Variants in GRID2IP observed in about 807,000 individuals in gnomAD.
GRID2IP encodes delphilin.
In GRID2IP, 78 loss-of-function variants were observed where a neutral mutation model predicts 114.3. The ratio of observed to expected loss-of-function variants is 0.68; its 90% CI spans 0.57 to 0.82. GRID2IP has a LOEUF of 0.82. GRID2IP is among the 40% of genes least tolerant of loss of function. The pLI, the probability that GRID2IP is intolerant of heterozygous loss-of-function variation, is 0.00. For synonymous variants in GRID2IP, 809 were observed against 724.0 expected, an observed-to-expected ratio of 1.12 and a Z score of -1.89; for missense variants, 1,727 against 1,678.5, an observed-to-expected ratio of 1.03 and a Z score of -0.51.
rs1216461194 is a variant in GRID2IP, at chr7:6,509,198, G to A, written c.1887C>T (p.Pro629=). ...LASPSSSESH[P]YASLDSSRAP... ...CCCTGCTGCTGTCCAGGCTGGCGTA[G>A]GGGTGGGACTCAGAGCTGCTGGGGG... The change falls in exon 12 of 22, where the codon CCC becomes CCT. Residue 629 remains proline (P), a synonymous_variant. Coordinates refer to ENST00000457091, the MANE Select transcript of GRID2IP (RefSeq NM_001145118.2). The surrounding 1 kb of genome is among the most constrained non-coding windows in gnomAD (Gnocchi z 4.9). 6.7e-7 allele frequency: 1 copy of A among 1,485,800 alleles called. No homozygotes were observed. Among genetic ancestry groups the A allele is most frequent in the Non-Finnish European group, 9.0e-7 (1 of 1,114,814 alleles). 92.0% of individuals were successfully genotyped at this position (1,485,800 alleles called of 1,614,324 possible).
rs968653651 is a variant in GRID2IP at position 6,523,798 on chromosome 7, A to C, written c.920-1841T>G. Among the ~76,000 whole-genome samples, 28 of 152,124 alleles carry C rather than the reference A, an allele frequency of 1.8e-4. No individual in the cohort carries two copies. The highest frequency in any genetic ancestry group is 6.3e-4 in the African/African-American group (26 of 41,424). ...CTCGGCCTCCCAAAGTGCTGGGATT[A>C]CAAGTGTGAGCCACTGCACCCAGCC... On this transcript the variant is annotated intron_variant, in intron 4 of 21. Coordinates refer to ENST00000457091, the MANE Select transcript of GRID2IP (RefSeq NM_001145118.2). This position sits in a 1 kb window ranked among gnomAD's most constrained non-coding sequence, Gnocchi z 4.5.
intron 1 of GRID2IP, among the ~76,000 whole-genome samples, chr7:6,548,721 A>G (rs1779922930): frequency 6.6e-6 from 1 of 151,940 alleles, no homozygotes; most frequent in Non-Finnish European, 1.5e-5. Flanking sequence ...GTACGCCTGT[A>G]ATCCCAGCTA....
In GRID2IP at chr7:6,532,920, G is replaced by A. The variant is rs1779659961; in HGVS notation, c.585-6151C>T. The stretch of plus-strand genomic sequence containing the variant: ...TCATGCCTGTGGCCAGGTGACCCAG[G>A]GCAGCATGAGGTGGTCACCCAGTCA... On this transcript the variant is annotated intron_variant, in intron 2 of 21. Transcript: ENST00000457091. This position sits in a 1 kb window ranked among gnomAD's most constrained non-coding sequence, Gnocchi z 4.4. 6.6e-6 allele frequency among the ~76,000 whole-genome samples: 1 copy of A among 152,196 alleles called. No homozygotes were observed. The highest frequency in any genetic ancestry group is 6.6e-5 in the Admixed American group (1 of 15,260).
At chr7:6,512,421 G>T (rs1359301768) in intron 8 of GRID2IP, among the ~76,000 whole-genome samples, 2 of 150,818 alleles carry the variant, frequency 1.3e-5, no homozygotes, top group African/African-American at 4.9e-5. Flanking sequence ...GCCCAGGCTG[G>T]TCTCCAACTC....
intron 1 of GRID2IP, among the ~76,000 whole-genome samples, chr7:6,549,796 T>A (rs1291323529): frequency 1.8e-4 from 27 of 151,660 alleles, no homozygotes; most frequent in Non-Finnish European, 5.9e-5. Context: ...TGGTTTTTTT[T>A]TTTTTTATAT....
At chr7:6,497,949 G>C (rs890258492) in intron 21 of GRID2IP, 104 bp from the exon 22 acceptor site, 1 of 1,398,266 alleles carries the variant, frequency 7.2e-7, no homozygotes, top group African/African-American at 1.4e-5. Context: ...GGGTTAGGGG[G>C]ACATGTCGCT....
At chr7:6,531,906 T>TGAGGCCTGGGGAGTCAGTGC (rs1335610378) in intron 2 of GRID2IP, among the ~76,000 whole-genome samples, 2 of 152,142 alleles carry the variant, frequency 1.3e-5, no homozygotes, top group Non-Finnish European at 2.9e-5. Flanking sequence ...GTGGAGTGTC[T>TGAGGCCTGGGGAGTCAGTGC]GAGGCCTGGG....
At chr7:6,546,195 T>A (rs1241723153) in intron 1 of GRID2IP, among the ~76,000 whole-genome samples, 1 of 151,626 alleles carries the variant, frequency 6.6e-6, no homozygotes, top group East Asian at 2.0e-4. Flanking sequence ...CAGTGGCTCA[T>A]GCCTGTAATC....
chr7:6,515,753 C>T (rs1779283055), intron 7 of GRID2IP, among the ~76,000 whole-genome samples: 4 of 151,752 alleles, frequency 2.6e-5, no homozygotes, highest in Admixed American at 2.0e-4. Context: ...CACTACACTC[C>T]ATCCTGGGCC....
chr7:6,502,211 GA>G (rs1199720358), intron 18 of GRID2IP, 93 bp from the exon 19 acceptor site: 15 of 1,258,388 alleles, frequency 1.2e-5, no homozygotes, highest in Non-Finnish European at 1.5e-5. Flanking sequence ...TGGCATCAAT[GA>G]TGAATTCTTG....
intron 1 of GRID2IP, among the ~76,000 whole-genome samples, chr7:6,541,987 G>C (rs1414100617): frequency 2.6e-5 from 4 of 152,102 alleles, no homozygotes; most frequent in African/African-American, 7.2e-5. Context: ...TAGTTTCTTG[G>C]CTATCTAGGC....
At chr7:6,510,208 G>A in intron 11 of GRID2IP, 75 bp downstream of exon 11, 1 of 972,274 alleles carries the variant, frequency 1.0e-6, no homozygotes. Flanking sequence ...TGATGGAGCA[G>A]AGAAGCAGCT....
rs1562520608 is a variant in GRID2IP at position 6,526,501 on chromosome 7, T to C, written c.833+20A>G. On this transcript the variant is annotated intron_variant, in intron 3 of 21. Coordinates refer to ENST00000457091, the MANE Select transcript of GRID2IP (RefSeq NM_001145118.2). The surrounding 1 kb of genome is among the most constrained non-coding windows in gnomAD (Gnocchi z 7.6). ...CCCGCAGGGAGGCGCCCGCTGCCAG[T>C]GCCTGTGAGCCCCGCGTACCTGCGC... 3.7e-6 allele frequency: 5 copies of C among 1,360,008 alleles called. No individual in the cohort carries two copies. The highest frequency in any genetic ancestry group is 4.7e-6 in the Non-Finnish European group (5 of 1,057,832). 84.2% of individuals were successfully genotyped at this position (1,360,008 alleles called of 1,614,324 possible). A position where few individuals can be genotyped will look rare whatever the true frequency, so the allele number is the denominator to read the frequency against.
In GRID2IP at chr7:6,504,840, T is replaced by C; in HGVS notation, c.2663A>G (p.Lys888Arg). 1 of 1,551,380 alleles carries C rather than the reference T, an allele frequency of 6.4e-7. No individual in the cohort carries two copies. The highest frequency in any genetic ancestry group is 1.7e-4 in the Middle Eastern group (1 of 5,988). ...KPVPGPEPFR[K>R]KEVVEILSHK... is the part of the protein sequence containing the mutation. Reference sequence around the variant, plus strand: ...GGACAGGATCTCCACCACCTCCTTCTTCCGGAAGGGCTCCGGCCCCGGCAC... The same window carrying C: ...GGACAGGATCTCCACCACCTCCTTCCTCCGGAAGGGCTCCGGCCCCGGCAC... Residue 888 changes from lysine (K) to arginine (R), a missense_variant, in exon 15 of 22, where the codon AAG becomes AGG. Transcript: ENST00000457091.
rs894509356 is a variant in GRID2IP, at chr7:6,510,892, C to A, written c.1555+16G>T. ...ACTGAGCTCCATTCATACCCTCCCC[C>A]TGACACCAGCCTTACCGCAGCTGAG... On this transcript the variant is annotated intron_variant, in intron 9 of 21. Transcript: ENST00000457091. 1.3e-6 allele frequency: 2 copies of A among 1,549,870 alleles called. No individual in the cohort carries two copies. The highest frequency in any genetic ancestry group is 2.5e-5 in the East Asian group (1 of 40,612).
chr7:6,522,841 G>C (rs1035944408), intron 4 of GRID2IP, among the ~76,000 whole-genome samples: 1 of 151,262 alleles, frequency 6.6e-6, no homozygotes. Flanking sequence ...GTGTTAGCGT[G>C]TGTTTAGTAG....
At chr7:6,540,594 C>T (rs894695658) in intron 1 of GRID2IP, among the ~76,000 whole-genome samples, 14 of 151,114 alleles carry the variant, frequency 9.3e-5, no homozygotes, top group African/African-American at 3.4e-4. Context: ...AATCTTGATT[C>T]ACTGCAACCT....
chr7:6,499,361 G>A (rs1168193430), intron 20 of GRID2IP, among the ~76,000 whole-genome samples: 1 of 152,204 alleles, frequency 6.6e-6, no homozygotes, highest in African/African-American at 2.4e-5. Flanking sequence ...GTAAGGAAAT[G>A]AGCCAGGATT....
At chr7:6,537,501 C>T (rs374252256) in intron 2 of GRID2IP, among the ~76,000 whole-genome samples, 302 of 149,916 alleles carry the variant, frequency 2.0e-3, no homozygotes, top group African/African-American at 7.1e-3. Flanking sequence ...CCTCAGCCTC[C>T]CCAGTAGCTA....
Sources: allele counts gnomAD v4.1 joint callset (sites outside exome capture counted in the v4.1 genomes callset), GRCh38; gene constraint gnomAD v4.1.1; non-coding constraint Gnocchi (gnomAD v3.1); transcripts MANE v1.5; gene names NCBI Gene and HGNC (gene_info 2026-07-23, HGNC 2026-07-21).